Variants in RPS6KA2 observed in about 807,000 individuals in gnomAD.
RPS6KA2 encodes ribosomal protein S6 kinase A2.
A neutral mutation model predicts 91.8 loss-of-function variants in RPS6KA2; 42 were observed. The observed-to-expected ratio is 0.46, with a 90% CI of 0.36 to 0.59. The LOEUF is 0.59. Among genes scored for constraint, RPS6KA2 ranks in the 20% least tolerant of loss-of-function variants. The pLI, the probability that RPS6KA2 is intolerant of heterozygous loss-of-function variation, is 0.00. For missense variants in RPS6KA2, 798 were observed against 978.5 expected, an observed-to-expected ratio of 0.82 and a Z score of 2.46; for synonymous variants, 414 against 393.6, an observed-to-expected ratio of 1.05 and a Z score of -0.61.
intron 1 of RPS6KA2, chr6:166,586,178 A>G: frequency 7.6e-6 from 12 of 1,573,768 alleles, no homozygotes; most frequent in Non-Finnish European, 1.0e-5. Flanking sequence ...ATTGCTGGGG[A>G]TAGTAAGGTT....
In RPS6KA2 at chr6:166,726,917, G is replaced by A. The variant is rs114449963; in HGVS notation, c.123+131283C>T. On this transcript the variant is annotated intron_variant, in intron 2 of 21. Coordinates refer to the RPS6KA2 transcript ENST00000503859. This position sits in a 1 kb window ranked among gnomAD's most constrained non-coding sequence, Gnocchi z 4.4. ...TCCTGGGTGCTGTCTCCTCCACCAC[G>A]TAAGCCAAACCTGATTTCCGTGAAG... is the stretch of plus-strand genomic sequence containing the variant. Among the ~76,000 whole-genome samples the A allele has an allele frequency of 4.2e-3, 635 of 152,268 alleles. 6 individuals are homozygous for A. The highest frequency in any genetic ancestry group is 0.015 in the African/African-American group (603 of 41,548).
intron 2 of RPS6KA2, among the ~76,000 whole-genome samples, chr6:166,654,545 GT>G (rs1366034253): frequency 6.6e-6 from 1 of 152,156 alleles, no homozygotes; most frequent in African/African-American, 2.4e-5. Flanking sequence ...AATGTCCCCA[GT>G]TTCCCCCCAA....
At chr6:166,667,927 T>C (rs1788361501) in intron 2 of RPS6KA2, among the ~76,000 whole-genome samples, 2 of 152,166 alleles carry the variant, frequency 1.3e-5, no homozygotes, top group Non-Finnish European at 2.9e-5. Flanking sequence ...AGTTCCTGCC[T>C]GCGTCGTTGG....
At chr6:166,840,525 C>G (rs77180018) in intron 2 of RPS6KA2, among the ~76,000 whole-genome samples, 10,368 of 152,196 alleles carry the variant, frequency 0.068, 1,173 homozygotes, top group African/African-American at 0.23. Flanking sequence ...AGGTGTGGTG[C>G]TTTCCTTTCC....
At chr6:166,424,332 C>G (rs1262374937) in intron 16 of RPS6KA2, among the ~76,000 whole-genome samples, 1 of 151,790 alleles carries the variant, frequency 6.6e-6, no homozygotes, top group Non-Finnish European at 1.5e-5. Flanking sequence ...GAAGTAAGTG[C>G]TTAATGCTCA....
intron 7 of RPS6KA2, among the ~76,000 whole-genome samples, chr6:166,499,395 A>T (rs1221623929): frequency 2.0e-5 from 3 of 152,210 alleles, no homozygotes; most frequent in Non-Finnish European, 4.4e-5. Flanking sequence ...GGGCCACCTT[A>T]TGTGGCAGAA....
chr6:166,778,744 T>G (rs2128609563), intron 2 of RPS6KA2, among the ~76,000 whole-genome samples: 1 of 152,238 alleles, frequency 6.6e-6, no homozygotes, highest in South Asian at 2.1e-4. Context: ...CCAGCCCGGG[T>G]GACAAGAGTG....
intron 10 of RPS6KA2, among the ~76,000 whole-genome samples, chr6:166,478,874 C>T (rs759399997): frequency 1.2e-4 from 18 of 152,202 alleles, no homozygotes; most frequent in Non-Finnish European, 2.2e-4. Context: ...TTCACGATGT[C>T]GGTGCTGGTA....
At chr6:166,521,448 G>C (rs1400632087) in intron 3 of RPS6KA2, among the ~76,000 whole-genome samples, 1 of 152,246 alleles carries the variant, frequency 6.6e-6, no homozygotes, top group Non-Finnish European at 1.5e-5. Context: ...GAGTCTTGAG[G>C]TTCCATGTTA....
Position 166,437,352 on chromosome 6 carries a change from A to G in RPS6KA2, c.1333-4862T>C, listed in dbSNP as rs1176756976. 6.6e-6 allele frequency among the ~76,000 whole-genome samples: 1 copy of G among 152,192 alleles called. No individual in the cohort carries two copies. The highest frequency in any genetic ancestry group is 1.5e-5 in the Non-Finnish European group (1 of 68,038). ...AGAATAATATTGTTTTATAATCTTT[A>G]TTATGCAACAAAACAGGGAGGCCTT... On this transcript the variant is annotated intron_variant, in intron 14 of 20. Coordinates refer to ENST00000265678, the MANE Select transcript of RPS6KA2 (RefSeq NM_021135.6). This position sits in a 1 kb window ranked among gnomAD's most constrained non-coding sequence, Gnocchi z 4.3.
intron 5 of RPS6KA2, among the ~76,000 whole-genome samples, chr6:166,505,862 C>T (rs568182625): frequency 9.8e-5 from 15 of 152,362 alleles, no homozygotes; most frequent in African/African-American, 3.6e-4. Context: ...GCACGTTCTG[C>T]TAGTGGCCTG....
At chr6:166,443,587 C>T (rs376538997) in intron 14 of RPS6KA2, among the ~76,000 whole-genome samples, 4 of 152,240 alleles carry the variant, frequency 2.6e-5, no homozygotes, top group South Asian at 2.1e-4. Flanking sequence ...GAGCTTACTA[C>T]AGCAGCAATG....
At chr6:166,786,702 TA>T (rs944996735) in intron 2 of RPS6KA2, among the ~76,000 whole-genome samples, 10 of 152,278 alleles carry the variant, frequency 6.6e-5, no homozygotes, top group African/African-American at 1.7e-4. Context: ...AAAAAATGCT[TA>T]AAAAAATCAT....
In RPS6KA2 at chr6:166,510,299, G is replaced by A. The variant is rs150080589; in HGVS notation, c.357C>T (p.Pro119=). ...TACCATAATGAAGCTTCACAATGAA[G>A]GGGTGATTCACTTCTGCCAAGATGT... ...ERDILAEVNH[P]FIVKLHYAFQ... The change falls in exon 4 of 21, where the codon CCC becomes CCT. Residue 119 remains proline (P), a synonymous_variant. Coordinates refer to ENST00000265678, the MANE Select transcript of RPS6KA2 (RefSeq NM_021135.6). The A allele has an allele frequency of 1.5e-3, 2,448 of 1,603,516 alleles. 2 individuals are homozygous for A. Among genetic ancestry groups the A allele is most frequent in the Non-Finnish European group, 1.9e-3 (2,262 of 1,173,156 alleles).
chr6:166,492,222 T>C, intron 8 of RPS6KA2, among the ~76,000 whole-genome samples: 1 of 152,192 alleles, frequency 6.6e-6, no homozygotes, highest in East Asian at 1.9e-4. Flanking sequence ...CATTAAAATG[T>C]GCTGTCCATC....
chr6:166,838,148 G>A (rs116906883), intron 2 of RPS6KA2, among the ~76,000 whole-genome samples: 96 of 152,328 alleles, frequency 6.3e-4, no homozygotes, highest in Non-Finnish European at 1.1e-3. Context: ...TGTACCAGCC[G>A]GTCAGCGGCT....
chr6:166,698,101 A>C (rs1474931046), intron 2 of RPS6KA2, among the ~76,000 whole-genome samples: 1 of 152,196 alleles, frequency 6.6e-6, no homozygotes, highest in African/African-American at 2.4e-5. Flanking sequence ...TGCAATGGGC[A>C]TGTGTGTACA....
intron 2 of RPS6KA2, among the ~76,000 whole-genome samples, chr6:166,747,308 A>C (rs1045447922): frequency 6.6e-6 from 1 of 152,114 alleles, no homozygotes; most frequent in African/African-American, 2.4e-5. Context: ...ACCGATTCCA[A>C]GGGGTTCAGG....
rs923168819 is a variant in RPS6KA2, at chr6:166,411,925, G to T, written c.*837C>A. ...GGGCTGAGCAGGTGCGAGAACCCAC[G>T]ACTCCCTGCAAAGCCTCCAGATAGC... On this transcript the variant is annotated 3_prime_UTR_variant, in exon 21 of 21. Coordinates refer to ENST00000265678, the MANE Select transcript of RPS6KA2 (RefSeq NM_021135.6). This position sits in a 1 kb window ranked among gnomAD's most constrained non-coding sequence, Gnocchi z 4.5. 1 of 152,252 alleles carries T rather than the reference G, an allele frequency of 6.6e-6. No homozygotes were observed. The highest frequency in any genetic ancestry group is 2.1e-4 in the South Asian group (1 of 4,832). 9.4% of individuals were successfully genotyped at this position (152,252 alleles called of 1,614,324 possible).
Sources: allele counts gnomAD v4.1 joint callset (sites outside exome capture counted in the v4.1 genomes callset), GRCh38; gene constraint gnomAD v4.1.1; non-coding constraint Gnocchi (gnomAD v3.1); transcripts MANE v1.5; gene names NCBI Gene and HGNC (gene_info 2026-07-23, HGNC 2026-07-21).